MAP2K3: variants seen among roughly 807,000 people sequenced by gnomAD.
MAP2K3 encodes the protein dual specificity mitogen-activated protein kinase kinase 3.
A neutral mutation model predicts 46.4 loss-of-function variants in MAP2K3; 30 were observed. The ratio of observed to expected loss-of-function variants is 0.65; its 90% CI spans 0.48 to 0.88. The LOEUF (loss-of-function observed/expected upper bound fraction) is 0.88. MAP2K3 is among the 40% of genes least tolerant of loss of function. MAP2K3 has a pLI of 0.00. For synonymous variants in MAP2K3, 189 were observed against 176.3 expected (o/e 1.07, Z -0.57); for missense variants, 380 against 464.5 (o/e 0.82, Z 1.67).
intron 9 of MAP2K3, among the ~76,000 whole-genome samples, chr17:21,305,730 C>T (rs1161695243): frequency 6.6e-5 from 10 of 152,282 alleles, no homozygotes; most frequent in South Asian, 4.1e-4. Context: ...TGGGTGAGCC[C>T]GCTCTGGCTC....
chr17:21,301,745 C>T (rs1047082198), intron 5 of MAP2K3, among the ~76,000 whole-genome samples: 2 of 152,428 alleles, frequency 1.3e-5, no homozygotes, highest in East Asian at 3.8e-4. Flanking sequence ...GGAGCAGGTC[C>T]TTGCAGGCAG....
intron 10 of MAP2K3, among the ~76,000 whole-genome samples, chr17:21,312,644 C>T (rs1327323019): frequency 8.5e-5 from 13 of 152,146 alleles, no homozygotes; most frequent in African/African-American, 2.9e-4. Flanking sequence ...AGGCTGGGCA[C>T]GGTGGCTCAC....
At chr17:21,298,503 T>C (rs760857077) in intron 2 of MAP2K3, 24 bp downstream of exon 2, 1 of 1,614,304 alleles carries the variant, frequency 6.2e-7, no homozygotes, top group Non-Finnish European at 8.5e-7. Flanking sequence ...AGTTTCTCCC[T>C]GGCTCACCCT....
At chr17:21,298,337 C>T (rs776223052) in intron 1 of MAP2K3, 76 bp from the exon 2 acceptor site, 1 of 1,595,392 alleles carries the variant, frequency 6.3e-7, no homozygotes, top group East Asian at 2.2e-5. Context: ...TGGGCCAGGG[C>T]CTGATGGCTC....
intron 9 of MAP2K3, among the ~76,000 whole-genome samples, chr17:21,311,405 G>GGGAGCTT (rs1977153996): frequency 6.6e-6 from 1 of 152,024 alleles, no homozygotes; most frequent in African/African-American, 2.4e-5. Context: ...CCACAGGGCT[G>GGGAGCTT]GGAGCTTGGA....
intron 1 of MAP2K3, chr17:21,291,332 AC>A: frequency 9.9e-6 from 1 of 100,540 alleles, no homozygotes. Context: ...ACAATAGAAT[AC>A]AGTACAATAC....
chr17:21,299,636 C>A (rs146582154), intron 3 of MAP2K3, among the ~76,000 whole-genome samples: 1 of 146,954 alleles, frequency 6.8e-6, no homozygotes, highest in Non-Finnish European at 1.5e-5. Context: ...GAGCCATGAT[C>A]GTACCACTGC....
intron 11 of MAP2K3, chr17:21,313,946 A>C (rs4114290): frequency 3.3e-6 from 2 of 608,170 alleles, no homozygotes; most frequent in African/African-American, 1.9e-5. Context: ...GTGGCTGGAG[A>C]GTGACCACAA....
At chr17:21,310,389 G>A (rs1977107765) in intron 9 of MAP2K3, among the ~76,000 whole-genome samples, 1 of 152,202 alleles carries the variant, frequency 6.6e-6, no homozygotes. Context: ...CAGTCACCCT[G>A]TCTGCTGATG....
chr17:21,295,204 G>A (rs911907554), intron 1 of MAP2K3, among the ~76,000 whole-genome samples: 2 of 152,306 alleles, frequency 1.3e-5, no homozygotes, highest in Non-Finnish European at 2.9e-5. Flanking sequence ...CTCAAGGGTC[G>A]GGGGCTCTAG....
chr17:21,312,981 A>G (rs899482443), intron 10 of MAP2K3, among the ~76,000 whole-genome samples: 2 of 151,852 alleles, frequency 1.3e-5, no homozygotes, highest in Admixed American at 1.3e-4. Context: ...AACTTCTCTG[A>G]ACTTAATTAA....
chr17:21,299,165 T>C (rs1324307814), intron 3 of MAP2K3, among the ~76,000 whole-genome samples: 1 of 152,306 alleles, frequency 6.6e-6, no homozygotes, highest in East Asian at 1.9e-4. Flanking sequence ...CCAGAGCTGG[T>C]AGGAAGGTTT....
At chr17:21,312,005 TG>T (rs1169368033) in intron 9 of MAP2K3, 136 bp from the exon 10 acceptor site, 8 of 794,702 alleles carry the variant, frequency 1.0e-5, no homozygotes, top group Non-Finnish European at 1.5e-5. Context: ...TGCTGGGATG[TG>T]GTAGGGAGAT....
chr17:21,295,198 A>G (rs1455985565), intron 1 of MAP2K3, among the ~76,000 whole-genome samples: 1 of 152,304 alleles, frequency 6.6e-6, no homozygotes, highest in Non-Finnish European at 1.5e-5. Context: ...GGCTCACTCA[A>G]GGGTCGGGGG....
intron 6 of MAP2K3, 94 bp downstream of exon 6, chr17:21,302,353 C>A: frequency 7.1e-7 from 1 of 1,405,446 alleles, no homozygotes; most frequent in Non-Finnish European, 1.0e-6. Flanking sequence ...TTGATGGTGT[C>A]TTGGGCAGAG....
At chr17:21,301,930 G>A (rs1976623447) in intron 5 of MAP2K3, among the ~76,000 whole-genome samples, 1 of 152,430 alleles carries the variant, frequency 6.6e-6, no homozygotes, top group African/African-American at 2.4e-5. Flanking sequence ...AGATAGAGGA[G>A]GCTGGCGCCC....
intron 9 of MAP2K3, chr17:21,311,576 G>A (rs1898405): frequency 6.6e-6 from 1 of 152,020 alleles, no homozygotes; most frequent in East Asian, 1.9e-4. Flanking sequence ...CAGCCTCATG[G>A]TCTCACACTC....
intron 6 of MAP2K3, 150 bp from the exon 7 acceptor site, chr17:21,303,032 AG>A: frequency 1.0e-6 from 1 of 992,308 alleles, no homozygotes; most frequent in East Asian, 2.7e-5. Flanking sequence ...ATGCCAGGAC[AG>A]GGCAGGAGGC....
chr17:21,305,312 G>T (rs1976839766), intron 9 of MAP2K3, among the ~76,000 whole-genome samples, 184 bp downstream of exon 9: 1 of 152,294 alleles, frequency 6.6e-6, no homozygotes, highest in South Asian at 2.1e-4. Flanking sequence ...ACCTCCTAGG[G>T]TCAGGGTCAC....
Sources: gnomAD v4.1 joint callset for allele counts (sites outside exome capture counted in the v4.1 genomes callset) on GRCh38, gnomAD v4.1.1 for gene constraint, MANE v1.5 for transcripts, NCBI Gene and HGNC (gene_info 2026-07-23, HGNC 2026-07-21) for gene names.